The following ITGB5 variants were observed in gnomAD, a reference collection of about 807,000 sequenced individuals.
The protein encoded by ITGB5 is integrin subunit beta 5.
A neutral mutation model predicts 84.8 loss-of-function variants in ITGB5; 38 were observed. The observed-to-expected ratio is 0.45, with a 90% CI of 0.35 to 0.59. The LOEUF is 0.59. Among genes scored for constraint, ITGB5 ranks in the 20% least tolerant of loss-of-function variants. The pLI, the probability that ITGB5 is intolerant of heterozygous loss-of-function variation, is 0.01. For synonymous variants in ITGB5, 393 were observed against 414.4 expected (o/e 0.95, Z 0.63); for missense variants, 905 against 1,034.5 (o/e 0.87, Z 1.72).
rs570704975 is a variant in ITGB5 at position 124,763,634 on chromosome 3, T to G, written c.2389A>C (p.Thr797Pro). Residue 797 changes from threonine to proline, a missense_variant, in exon 15 of 15, where the codon ACT (threonine) becomes CCT (proline). By Grantham distance (38) the Thr-to-Pro change is conservative. Transcript: ENST00000296181. ...CGGAGAAGGAAACATCAGTCCACAG[T>G]GCCATTGTAGGATTTGTTGAACTTG... ...FNKFNKSYNG[T>P]VD is the part of the protein sequence containing the mutation. 2 of 1,594,084 alleles carry G rather than the reference T, an allele frequency of 1.3e-6. No individual in the cohort carries two copies. Among genetic ancestry groups the G allele is most frequent in the African/African-American group, 2.7e-5 (2 of 74,654 alleles).
rs58499062 is a variant in ITGB5 at position 124,821,604 on chromosome 3, G to T, written c.781-130C>A. 6.2e-3 allele frequency: 6,150 copies of T among 997,994 alleles called. 277 individuals are homozygous for T. The African/African-American group carries it at 0.086, about 14-fold the overall frequency. 61.8% of individuals were successfully genotyped at this position (997,994 alleles called of 1,614,324 possible). A position where few individuals can be genotyped will look rare whatever the true frequency, so the allele number is the denominator to read the frequency against. ...CATTCCCCTTGCCATGTGTACCTGG[G>T]GCACACTCACAAAACCACTGGGGAG... On this transcript the variant is annotated intron_variant, in intron 5 of 14. Transcript: ENST00000296181.
chr3:124,841,307 CAGGA>C, intron 5 of ITGB5, 72 bp downstream of exon 5: 1 of 1,430,176 alleles, frequency 7.0e-7, no homozygotes, highest in Non-Finnish European at 9.6e-7. Context: ...AAGACTCCTG[CAGGA>C]AGTACCAACA....
intron 2 of ITGB5, among the ~76,000 whole-genome samples, chr3:124,861,187 TG>T (rs1294094165): frequency 1.1e-4 from 17 of 151,792 alleles, no homozygotes; most frequent in African/African-American, 2.4e-4. Flanking sequence ...TATTCTGGGT[TG>T]TTTTTTTTTA....
chr3:124,860,770 G>A (rs1035719873), intron 2 of ITGB5, among the ~76,000 whole-genome samples: 1 of 152,222 alleles, frequency 6.6e-6, no homozygotes, highest in Non-Finnish European at 1.5e-5. Context: ...AGCCTCATGT[G>A]AGTCAGCATC....
At chr3:124,821,503 C>T in intron 5 of ITGB5, 29 bp from the exon 6 acceptor site, 1 of 1,612,182 alleles carries the variant, frequency 6.2e-7, no homozygotes, top group Non-Finnish European at 8.5e-7. Flanking sequence ...ATGGGTACAC[C>T]AGTCTTTCTG....
intron 11 of ITGB5, 69 bp downstream of exon 11, chr3:124,773,621 G>A (rs1167946043): frequency 6.1e-6 from 9 of 1,476,294 alleles, no homozygotes; most frequent in Admixed American, 1.7e-5. Context: ...CGGCCCTGAG[G>A]GCTGCCTGGC....
intron 5 of ITGB5, among the ~76,000 whole-genome samples, chr3:124,829,374 A>G (rs986066061): frequency 2.6e-5 from 4 of 152,260 alleles, no homozygotes; most frequent in Admixed American, 2.6e-4. Flanking sequence ...GCGGAAACGC[A>G]CTGGACGCAG....
chr3:124,893,359 G>T (rs1436089825), intron 1 of ITGB5, among the ~76,000 whole-genome samples: 1 of 152,188 alleles, frequency 6.6e-6, no homozygotes, highest in Non-Finnish European at 1.5e-5. Flanking sequence ...AGTGAGCCAA[G>T]ATCGCACCCC....
At chr3:124,824,896 G>A (rs1454030721) in intron 5 of ITGB5, among the ~76,000 whole-genome samples, 1 of 152,190 alleles carries the variant, frequency 6.6e-6, no homozygotes, top group Non-Finnish European at 1.5e-5. Context: ...AGTATCAAGT[G>A]CTGATAAAAA....
chr3:124,819,592 T>C (rs2064665721), intron 7 of ITGB5, 147 bp downstream of exon 7: 3 of 658,086 alleles, frequency 4.6e-6, no homozygotes, highest in East Asian at 2.7e-5. Flanking sequence ...GAATGCTTAA[T>C]TGTTTCCTCC....
chr3:124,792,056 T>A (rs974667689), intron 10 of ITGB5: 2 of 152,318 alleles, frequency 1.3e-5, no homozygotes, highest in East Asian at 3.9e-4. Context: ...ACAACAATGA[T>A]CTCACTCCAG....
intron 6 of ITGB5, 122 bp downstream of exon 6, chr3:124,821,191 G>T (rs1489315378): frequency 9.2e-6 from 10 of 1,088,192 alleles, no homozygotes; most frequent in Non-Finnish European, 1.3e-5. Flanking sequence ...CCCAAGAAGG[G>T]ATCAGAAAGC....
chr3:124,887,866 G>A (rs1934902747), upstream of ITGB5: 1 of 280,690 alleles, frequency 3.6e-6, no homozygotes, highest in Non-Finnish European at 7.4e-6. Flanking sequence ...ATGAGCAAGG[G>A]AGGGCGTGGT....
intron 1 of ITGB5, among the ~76,000 whole-genome samples, chr3:124,878,412 C>A (rs1338664514): frequency 6.6e-6 from 1 of 152,212 alleles, no homozygotes; most frequent in East Asian, 1.9e-4. Context: ...TGTCATATAG[C>A]ATTACTAACT....
chr3:124,821,985 C>T (rs4678167), intron 5 of ITGB5, among the ~76,000 whole-genome samples: 26,522 of 152,156 alleles, frequency 0.17, 2,651 homozygotes, highest in African/African-American at 0.26. Context: ...ATAGATGGGT[C>T]TGTCTTTTGA....
At chr3:124,894,128 A>ATTTTTTTTTTTTTTTTTTT (rs1464038480) in intron 1 of ITGB5, among the ~76,000 whole-genome samples, 1 of 61,948 alleles carries the variant, frequency 1.6e-5, no homozygotes, top group Admixed American at 1.5e-4. Flanking sequence ...AAGTTGTGAT[A>ATTTTTTTTTTTTTTTTTTT]TTTTTCTTTT....
At chr3:124,828,859 T>C (rs1340647345) in intron 5 of ITGB5, among the ~76,000 whole-genome samples, 2 of 152,254 alleles carry the variant, frequency 1.3e-5, no homozygotes, top group East Asian at 3.8e-4. Context: ...TAATCTGATT[T>C]CGGTCCCATG....
rs551804336 is a variant in ITGB5, at chr3:124,840,654, T to TTTTC, written c.780+725_780+728dup. The stretch of plus-strand genomic sequence containing the variant: ...GCAACCAAAGATGCCACACAATTCT[T>TTTTC]TTTCTTTCTTTTTTTTTTTTTTAAA... On this transcript the variant is annotated intron_variant, in intron 5 of 14. Transcript: ENST00000296181. Among the ~76,000 whole-genome samples the TTTTC allele has an allele frequency of 2.1e-5, 3 of 139,758 alleles. No individual in the cohort carries two copies. In the South Asian group the frequency reaches 7.0e-4, roughly 32 times the overall value. 91.7% of individuals were successfully genotyped at this position (139,758 alleles called of 152,430 possible).
At chr3:124,778,854 G>C (rs1579184871) in intron 10 of ITGB5, among the ~76,000 whole-genome samples, 1 of 152,084 alleles carries the variant, frequency 6.6e-6, no homozygotes, top group African/African-American at 2.4e-5. Context: ...TGTGGCCATG[G>C]GGAGATGCTG....
Sources: gnomAD v4.1 joint callset for allele counts (sites outside exome capture counted in the v4.1 genomes callset) on GRCh38, gnomAD v4.1.1 for gene constraint, MANE v1.5 for transcripts, NCBI Gene and HGNC (gene_info 2026-07-23, HGNC 2026-07-21) for gene names.